NEB: variants seen among roughly 807,000 people sequenced by gnomAD.
The protein encoded by NEB is nebulin.
A neutral mutation model predicts 952.2 loss-of-function variants in NEB; 512 were observed. The observed-to-expected ratio is 0.54, with a 90% CI of 0.50 to 0.58. The LOEUF (loss-of-function observed/expected upper bound fraction) is 0.58, where lower values mean the gene tolerates loss of function less well. NEB is among the 20% of genes least tolerant of loss of function. The probability of loss-of-function intolerance (pLI) is 0.00; values close to 1 mark genes in which losing one functional copy is unlikely to be tolerated. For synonymous variants in NEB, 2,900 were observed against 3,149.8 expected, an observed-to-expected ratio of 0.92 and a Z score of 2.66; for missense variants, 8,428 against 9,231.1, an observed-to-expected ratio of 0.91 and a Z score of 3.56.
rs775521626 is a variant in NEB at position 151,562,163 on chromosome 2, A to T, written c.18943T>A (p.Trp6315Arg). 8.1e-6 allele frequency: 13 copies of T among 1,613,550 alleles called. No individual in the cohort carries two copies. The highest frequency in any genetic ancestry group is 1.3e-5 in the African/African-American group (1 of 74,896). The change falls in exon 121 of 182, where the codon TGG becomes AGG. Residue 6315 changes from tryptophan (W) to arginine (R), a missense_variant. Physicochemically the swap from Trp to Arg is moderately radical, Grantham distance 101. Around this residue, in one of 11 missense-constraint regions of NEB, gnomAD observed 3,374 missense variants for 3,651.5 expected, o/e 0.92. Coordinates refer to ENST00000397345, the MANE Select transcript of NEB (RefSeq NM_001164508.2). ...NWLKGIGCYV[W>R]DTPQILHAKK... ...GCATGGAGGATTTGGGGTGTATCCC[A>T]AACGTAGCAACCAATGCCTTTCAAC...
chr2:151,669,165 T>C, intron 38 of NEB, 34 bp from the exon 39 acceptor site: 1 of 1,353,504 alleles, frequency 7.4e-7, no homozygotes, highest in Non-Finnish European at 1.0e-6. Flanking sequence ...CACATATCAT[T>C]AGCTGACATA....
At chr2:151,578,177 C>T (rs2096948810) in intron 105 of NEB, among the ~76,000 whole-genome samples, 1 of 152,106 alleles carries the variant, frequency 6.6e-6, no homozygotes, top group African/African-American at 2.4e-5. Context: ...AATAAATAAC[C>T]TTCTGTAATC....
intron 27 of NEB, among the ~76,000 whole-genome samples, chr2:151,686,201 A>G (rs2099496813): frequency 6.6e-6 from 1 of 152,228 alleles, no homozygotes; most frequent in African/African-American, 2.4e-5. Context: ...GACACATACC[A>G]GTACATATAA....
intron 13 of NEB, among the ~76,000 whole-genome samples, chr2:151,702,094 T>A (rs1418887705): frequency 6.8e-6 from 1 of 146,456 alleles, no homozygotes; most frequent in African/African-American, 2.5e-5. Flanking sequence ...TCAAAGAACA[T>A]CTTTATTTCT....
At chr2:151,643,049 A>T in intron 58 of NEB, 101 bp downstream of exon 58, 1 of 1,331,292 alleles carries the variant, frequency 7.5e-7, no homozygotes, top group Non-Finnish European at 1.0e-6. Context: ...ATTAGTACCA[A>T]GCAAAGGAAT....
chr2:151,502,577 G>A (rs1016396095), intron 167 of NEB, among the ~76,000 whole-genome samples: 2 of 152,028 alleles, frequency 1.3e-5, no homozygotes, highest in African/African-American at 4.8e-5. Flanking sequence ...AGTATTACAG[G>A]TTTTTAAAGA....
intron 73 of NEB, 77 bp downstream of exon 73, chr2:151,619,374 C>T (rs1409678069): frequency 7.3e-7 from 1 of 1,372,896 alleles, no homozygotes; most frequent in Non-Finnish European, 9.9e-7. Flanking sequence ...AATTGCAGTT[C>T]ATTGGCACTA....
In NEB at chr2:151,567,142, A is replaced by G. The variant is rs759414416; in HGVS notation, c.18156+26T>C. 7.1e-6 allele frequency: 11 copies of G among 1,545,054 alleles called. No individual in the cohort carries two copies. The African/African-American group carries it at 9.6e-5, about 13-fold the overall frequency. ...CTCAGAGTGTACCATGCGTTTCTAG[A>G]TAATGAAGAAACAAAAATCACTTAC... is the stretch of plus-strand genomic sequence containing the variant. On this transcript the variant is annotated intron_variant, in intron 114 of 181. Coordinates refer to ENST00000397345, the MANE Select transcript of NEB (RefSeq NM_001164508.2).
rs1233779539 is a variant in NEB at position 151,506,197 on chromosome 2, C to G, written c.23618G>C (p.Arg7873Thr). The change falls in exon 164 of 182, where the codon AGA (arginine) becomes ACA (threonine). Residue 7873 changes from arginine (R) to threonine (T), a missense_variant. Physicochemically the swap from Arg to Thr is moderately conservative, Grantham distance 71 (BLOSUM62 -1). Transcript: ENST00000397345. ...AATGTGGTCCTGTGTTTGTTTCACTCTCATCATCTCAGGTGTCTTTCCGAT... is the reference window on the plus strand; with the variant it reads ...AATGTGGTCCTGTGTTTGTTTCACTGTCATCATCTCAGGTGTCTTTCCGAT... Reference protein sequence around the residue: ...TAIGKTPEMMRVKQTQDHISS... With the variant: ...TAIGKTPEMMTVKQTQDHISS... 3 of 1,613,662 alleles carry G rather than the reference C, an allele frequency of 1.9e-6. No homozygotes were observed. Among genetic ancestry groups the G allele is most frequent in the Non-Finnish European group, 2.5e-6 (3 of 1,179,558 alleles).
intron 173 of NEB, among the ~76,000 whole-genome samples, chr2:151,494,567 G>GAGTT (rs1413898081): frequency 1.3e-5 from 2 of 152,110 alleles, no homozygotes; most frequent in East Asian, 3.8e-4. Context: ...ATCCAAACAG[G>GAGTT]AGTTACAGGC....
chr2:151,612,090 C>A, intron 78 of NEB, 96 bp downstream of exon 78: 2 of 1,344,170 alleles, frequency 1.5e-6, no homozygotes, highest in Non-Finnish European at 1.0e-6. Context: ...GCCTATGACA[C>A]CTCCTTTCTC....
intron 40 of NEB, 146 bp from the exon 41 acceptor site, chr2:151,666,547 T>A: frequency 1.4e-6 from 1 of 734,230 alleles, no homozygotes; most frequent in Non-Finnish European, 2.2e-6. Flanking sequence ...AATAAACAAT[T>A]AGCAAAATAT....
chr2:151,729,656 A>C lies in NEB; in HGVS notation c.37T>G (p.Tyr13Asp), dbSNP rs1347004993. Residue 13 changes from tyrosine (Y) to aspartate (D), a missense_variant and splice_region_variant, in exon 4 of 182, where the codon TAC (tyrosine) becomes GAC (aspartate). Coordinates refer to ENST00000397345, the MANE Select transcript of NEB (RefSeq NM_001164508.2). Reference sequence around the variant, plus strand: ...TCGTAAACCACTTCTTCTGTGTAGTACTGTAAATAGAGCACAAAGGCATTG... The same window carrying C: ...TCGTAAACCACTTCTTCTGTGTAGTCCTGTAAATAGAGCACAAAGGCATTG... ...DDEDYEEVVEYYTEEVVYEEV... is the reference protein window; with the variant it reads ...DDEDYEEVVEDYTEEVVYEEV... The C allele has an allele frequency of 6.2e-7, 1 of 1,613,304 alleles. No individual in the cohort carries two copies. The highest frequency in any genetic ancestry group is 8.5e-7 in the Non-Finnish European group (1 of 1,179,444).
intron 38 of NEB, among the ~76,000 whole-genome samples, chr2:151,669,878 C>T (rs988139208): frequency 1.1e-4 from 16 of 152,126 alleles, no homozygotes; most frequent in African/African-American, 2.9e-4. Flanking sequence ...GTTGTCCACA[C>T]GAGCCATACA....
intron 64 of NEB, among the ~76,000 whole-genome samples, chr2:151,634,500 G>A (rs1319663928): frequency 6.6e-6 from 1 of 152,026 alleles, no homozygotes; most frequent in Non-Finnish European, 1.5e-5. Context: ...AAATAAGCCG[G>A]GCGTGGTGGC....
Position 151,567,332 on chromosome 2 carries a change from C to G in NEB, c.17992G>C (p.Ala5998Pro). The change falls in exon 114 of 182, where the codon GCC becomes CCC. Residue 5998 changes from alanine to proline, a missense_variant. Ala to Pro is a conservative substitution (Grantham distance 27). This residue lies in a region of NEB where 3,374 missense variants were observed against 3,651.5 expected (regional missense o/e 0.92). Coordinates refer to ENST00000397345, the MANE Select transcript of NEB (RefSeq NM_001164508.2). The part of the protein sequence containing the change: ...LYKEDYHKTK[A>P]KINIPADMVS... ...ATATCAGCAGGTATATTGATTTTGGCCTTTGTTTTGTGATAGTCCTCTTTG... is the reference window on the plus strand; with the variant it reads ...ATATCAGCAGGTATATTGATTTTGGGCTTTGTTTTGTGATAGTCCTCTTTG... 6.2e-7 allele frequency: 1 copy of G among 1,613,876 alleles called. No homozygotes were observed. The highest frequency in any genetic ancestry group is 8.5e-7 in the Non-Finnish European group (1 of 1,179,830).
intron 73 of NEB, among the ~76,000 whole-genome samples, chr2:151,618,762 C>T (rs932368903): frequency 3.3e-5 from 5 of 152,054 alleles, no homozygotes; most frequent in Admixed American, 1.3e-4. Flanking sequence ...GAGAAGCATG[C>T]TTTTTTAGCC....
At chr2:151,646,814 T>G (rs2098965788) in intron 54 of NEB, among the ~76,000 whole-genome samples, 2 of 152,208 alleles carry the variant, frequency 1.3e-5, no homozygotes, top group Admixed American at 1.3e-4. Flanking sequence ...CATACCCGGC[T>G]AATTTTTGTA....
Position 151,659,078 on chromosome 2 carries a change from A to C in NEB, c.6062T>G (p.Ile2021Ser). 1 of 1,604,940 alleles carries C rather than the reference A, an allele frequency of 6.2e-7. No individual in the cohort carries two copies. The highest frequency in any genetic ancestry group is 2.2e-5 in the East Asian group (1 of 44,832). Residue 2021 changes from isoleucine (I) to serine (S), a missense_variant, in exon 47 of 182, where the codon ATT becomes AGT. Coordinates refer to ENST00000397345, the MANE Select transcript of NEB (RefSeq NM_001164508.2). ...PQIILAKANAINMSDKLYKLS... is the reference protein window; with the variant it reads ...PQIILAKANASNMSDKLYKLS... ...AACTATACTTACATCACTCATATTA[A>C]TTGCATTTGCCTTTGCCAAAATAAT...
Sources: gnomAD v4.1 joint callset for allele counts (sites outside exome capture counted in the v4.1 genomes callset) on GRCh38, gnomAD v4.1.1 for gene constraint, gnomAD v4.1.1 regional missense constraint, MANE v1.5 for transcripts, NCBI Gene and HGNC (gene_info 2026-07-23, HGNC 2026-07-21) for gene names.